The following SLC44A5 variants were observed in gnomAD, a reference collection of about 807,000 sequenced individuals.
The protein encoded by SLC44A5 is choline transporter-like protein 5.
A neutral mutation model predicts 101.8 loss-of-function variants in SLC44A5; 57 were observed. The observed-to-expected ratio is 0.56, with a 90% confidence interval of 0.45 to 0.70. The LOEUF (loss-of-function observed/expected upper bound fraction) is 0.70, where lower values mean the gene tolerates loss of function less well. SLC44A5 is among the 30% of genes least tolerant of loss of function. SLC44A5 has a pLI of 0.00. For synonymous variants in SLC44A5, 281 were observed against 290.9 expected, an observed-to-expected ratio of 0.97 and a Z score of 0.35; for missense variants, 737 against 853.1, an observed-to-expected ratio of 0.86 and a Z score of 1.70.
chr1:75,497,877 C>G (rs752885281), intron 2 of SLC44A5, among the ~76,000 whole-genome samples: 1 of 151,984 alleles, frequency 6.6e-6, no homozygotes, highest in Non-Finnish European at 1.5e-5. Flanking sequence ...AGAAACAATA[C>G]CACAGAAATT....
chr1:75,215,956 TTTA>T (rs753909087), intron 18 of SLC44A5, 99 bp from the exon 19 acceptor site: 17 of 699,992 alleles, frequency 2.4e-5, no homozygotes, highest in African/African-American at 1.7e-4. Flanking sequence ...TTTAAAATTT[TTTA>T]TTGTTATAAA....
At chr1:75,700,457 A>G in the SLC44A5 span, among the ~76,000 whole-genome samples, 4 of 152,296 alleles carry the variant, frequency 2.6e-5, no homozygotes, top group East Asian at 7.7e-4. Flanking sequence ...TTTGAAACCA[A>G]TGAGAACAAA....
chr1:75,621,609 C>T, the SLC44A5 span, among the ~76,000 whole-genome samples: 7 of 152,052 alleles, frequency 4.6e-5, no homozygotes, highest in East Asian at 1.2e-3. Flanking sequence ...AATTAACTAC[C>T]GTAGTTTAGA....
intron 2 of SLC44A5, among the ~76,000 whole-genome samples, chr1:75,506,446 C>T (rs971193052): frequency 3.3e-5 from 5 of 151,998 alleles, no homozygotes; most frequent in African/African-American, 1.2e-4. Context: ...GGTAGTATTG[C>T]TATTTTAATT....
chr1:75,291,520 G>C (rs78320763), intron 5 of SLC44A5, among the ~76,000 whole-genome samples: 2,205 of 152,240 alleles, frequency 0.014, 47 homozygotes, highest in African/African-American at 0.051. Flanking sequence ...TGAATAACAT[G>C]ATTCACAGAG....
intron 1 of SLC44A5, among the ~76,000 whole-genome samples, chr1:75,575,019 A>G (rs1182137171): frequency 6.6e-6 from 1 of 152,154 alleles, no homozygotes; most frequent in Non-Finnish European, 1.5e-5. Context: ...GAGGGGTACT[A>G]TCACTCCTAT....
At chr1:75,678,955 C>T in the SLC44A5 span, among the ~76,000 whole-genome samples, 10 of 152,160 alleles carry the variant, frequency 6.6e-5, no homozygotes, top group African/African-American at 1.9e-4. Flanking sequence ...TCGAGAACTA[C>T]GTGAAGAATG....
At position 75,466,109 on chromosome 1, in the gene SLC44A5, T is replaced by C. The variant is rs1280338554; in HGVS notation, c.14-69488A>G. On this transcript the variant is annotated intron_variant, in intron 2 of 23. Coordinates refer to ENST00000370859, the MANE Select transcript of SLC44A5 (RefSeq NM_001130058.2). Reference sequence around the variant, plus strand: ...TACATGCCAATATCTCTGATGAATATTGACACAAATATCTTCAACAAAATA... The same window carrying C: ...TACATGCCAATATCTCTGATGAATACTGACACAAATATCTTCAACAAAATA... Among the ~76,000 whole-genome samples, 5 of 152,304 alleles carry C rather than the reference T, an allele frequency of 3.3e-5. No individual in the cohort carries two copies. The East Asian group carries it at 9.7e-4, about 29-fold the overall frequency.
intron 2 of SLC44A5, among the ~76,000 whole-genome samples, chr1:75,534,471 A>G (rs1011351624): frequency 6.6e-6 from 1 of 152,206 alleles, no homozygotes; most frequent in African/African-American, 2.4e-5. Flanking sequence ...CCTTTGACAG[A>G]GAGTTTTCAT....
intron 2 of SLC44A5, among the ~76,000 whole-genome samples, chr1:75,451,597 C>A (rs1364753790): frequency 1.3e-5 from 2 of 151,972 alleles, no homozygotes; most frequent in Non-Finnish European, 2.9e-5. Flanking sequence ...GAGAAGCAAC[C>A]AGCTGAAGAA....
chr1:75,570,099 G>A (rs1672996517), intron 1 of SLC44A5, among the ~76,000 whole-genome samples: 1 of 152,212 alleles, frequency 6.6e-6, no homozygotes, highest in Non-Finnish European at 1.5e-5. Flanking sequence ...AGGCTGATGG[G>A]AGGGGACATT....
At chr1:75,537,393 T>C (rs1671113862) in intron 2 of SLC44A5, among the ~76,000 whole-genome samples, 1 of 152,218 alleles carries the variant, frequency 6.6e-6, no homozygotes, top group African/African-American at 2.4e-5. Context: ...TTGTGTTAGA[T>C]AACATGTATC....
At chr1:75,676,973 GT>G in the SLC44A5 span, among the ~76,000 whole-genome samples, 1 of 152,106 alleles carries the variant, frequency 6.6e-6, no homozygotes, top group African/African-American at 2.4e-5. Context: ...CATATTTAAA[GT>G]GCTGGGAAAA....
intron 12 of SLC44A5, among the ~76,000 whole-genome samples, chr1:75,232,343 C>T (rs1647652020): frequency 6.6e-6 from 1 of 152,020 alleles, no homozygotes; most frequent in African/African-American, 2.4e-5. Context: ...TTCCTGATGA[C>T]AATGCAAGAG....
the SLC44A5 span, among the ~76,000 whole-genome samples, chr1:75,647,124 G>T: frequency 6.6e-6 from 1 of 152,206 alleles, no homozygotes; most frequent in African/African-American, 2.4e-5. Context: ...CCAGGCCCAA[G>T]GCTTTGCTGC....
chr1:75,259,227 C>T (rs1480049106), intron 6 of SLC44A5, among the ~76,000 whole-genome samples: 1 of 152,068 alleles, frequency 6.6e-6, no homozygotes, highest in Non-Finnish European at 1.5e-5. Flanking sequence ...ATGACAAACT[C>T]CTCTGAGCTA....
intron 2 of SLC44A5, among the ~76,000 whole-genome samples, chr1:75,430,992 C>T (rs1379218738): frequency 6.6e-6 from 1 of 152,116 alleles, no homozygotes; most frequent in Non-Finnish European, 1.5e-5. Context: ...GCAATGGACA[C>T]TACAATAAAG....
At chr1:75,549,465 G>A (rs1306240822) in intron 1 of SLC44A5, among the ~76,000 whole-genome samples, 5 of 151,978 alleles carry the variant, frequency 3.3e-5, no homozygotes, top group Non-Finnish European at 7.4e-5. Context: ...ACGATGTATT[G>A]GATTACTCTA....
the SLC44A5 span, among the ~76,000 whole-genome samples, chr1:75,668,249 T>C: frequency 1.3e-5 from 2 of 148,778 alleles, no homozygotes; most frequent in Non-Finnish European, 1.5e-5. Flanking sequence ...TAGGTAACTA[T>C]CAACTTGTTA....
Sources: allele counts gnomAD v4.1 joint callset (sites outside exome capture counted in the v4.1 genomes callset), GRCh38; gene constraint gnomAD v4.1.1; transcripts MANE v1.5; gene names NCBI Gene and HGNC (gene_info 2026-07-23, HGNC 2026-07-21).